Variants in OPCML observed in about 807,000 individuals in gnomAD.
The protein encoded by OPCML is opioid binding protein/cell adhesion molecule like, also known as opioid-binding protein/cell adhesion molecule.
In OPCML, 13 loss-of-function variants were observed where a neutral mutation model predicts 37.8. The observed-to-expected ratio is 0.34, with a 90% CI of 0.22 to 0.55. OPCML has a LOEUF of 0.55. OPCML is among the 20% of genes least tolerant of loss of function. OPCML has a pLI of 0.91. For synonymous variants in OPCML, 176 were observed against 168.8 expected (o/e 1.04, Z -0.33); for missense variants, 341 against 435.6 (o/e 0.78, Z 1.93).
chr11:133,308,636 C>A (rs1042107495), intron 1 of OPCML, among the ~76,000 whole-genome samples: 4 of 152,122 alleles, frequency 2.6e-5, no homozygotes, highest in East Asian at 1.9e-4. Flanking sequence ...AAACTAGATG[C>A]AGTTAACCCA....
At chr11:133,487,905 C>T (rs1947564182) in intron 1 of OPCML, among the ~76,000 whole-genome samples, 1 of 140,294 alleles carries the variant, frequency 7.1e-6, no homozygotes, top group African/African-American at 2.9e-5. Flanking sequence ...TCCAACAGCA[C>T]ATCAAAAAGA....
At chr11:132,431,804 A>G (rs1264986241) in intron 7 of OPCML, among the ~76,000 whole-genome samples, 1 of 152,236 alleles carries the variant, frequency 6.6e-6, no homozygotes, top group African/African-American at 2.4e-5. Context: ...AGAGTCAAAG[A>G]GGGCTCTCAG....
chr11:132,910,733 T>G (rs1944401387), intron 2 of OPCML, among the ~76,000 whole-genome samples: 1 of 152,200 alleles, frequency 6.6e-6, no homozygotes, highest in African/African-American at 2.4e-5. Flanking sequence ...TGCACACACA[T>G]AGAAGATAAA....
intron 1 of OPCML, among the ~76,000 whole-genome samples, chr11:133,400,875 A>C (rs2136837750): frequency 6.6e-6 from 1 of 152,304 alleles, no homozygotes; most frequent in Non-Finnish European, 1.5e-5. Flanking sequence ...TATGCTAGCT[A>C]GTCCTATGCT....
intron 1 of OPCML, among the ~76,000 whole-genome samples, chr11:132,983,347 G>T (rs147157275): frequency 6.6e-6 from 1 of 152,218 alleles, no homozygotes; most frequent in South Asian, 2.1e-4. Flanking sequence ...ACTCCATCAA[G>T]TTCTCACTTT....
chr11:133,012,315 C>CA (rs1394568472), intron 1 of OPCML, among the ~76,000 whole-genome samples: 1 of 152,082 alleles, frequency 6.6e-6, no homozygotes, highest in Non-Finnish European at 1.5e-5. Flanking sequence ...TGTGCTTATC[C>CA]AAGGTCCTTA....
chr11:132,810,584 A>T (rs1176477703), intron 2 of OPCML, among the ~76,000 whole-genome samples: 1 of 152,142 alleles, frequency 6.6e-6, no homozygotes, highest in South Asian at 2.1e-4. Flanking sequence ...CCTGCTACTC[A>T]GGAGGCTGAG....
intron 4 of OPCML, among the ~76,000 whole-genome samples, chr11:132,441,119 G>A (rs1280731729): frequency 6.6e-6 from 1 of 151,026 alleles, no homozygotes; most frequent in Non-Finnish European, 1.5e-5. Context: ...GATGGCCTGT[G>A]AGCCATTGGA....
At chr11:133,426,647 C>T (rs1946009220) in intron 1 of OPCML, among the ~76,000 whole-genome samples, 1 of 152,152 alleles carries the variant, frequency 6.6e-6, no homozygotes, top group African/African-American at 2.4e-5. Flanking sequence ...CCTCCTGCCA[C>T]AAATGTGCTT....
intron 1 of OPCML, among the ~76,000 whole-genome samples, chr11:133,514,527 T>G (rs1199642210): frequency 6.6e-6 from 1 of 152,208 alleles, no homozygotes; most frequent in African/African-American, 2.4e-5. Flanking sequence ...ACTCTGAATG[T>G]CCTGCCAACG....
intron 1 of OPCML, among the ~76,000 whole-genome samples, chr11:133,051,886 A>G (rs936802742): frequency 6.6e-6 from 1 of 152,216 alleles, no homozygotes; most frequent in African/African-American, 2.4e-5. Context: ...TCAGAAGCAA[A>G]TATACCCCAA....
intron 2 of OPCML, among the ~76,000 whole-genome samples, chr11:132,909,221 TA>T (rs916273465): frequency 3.3e-5 from 5 of 151,390 alleles, no homozygotes; most frequent in African/African-American, 7.3e-5. Context: ...ATCCACACTT[TA>T]AAAAAAAATA....
In OPCML at chr11:133,208,356, G is replaced by C. The variant is rs1473721740; in HGVS notation, c.62-265346C>G. ...TACTACATTCAGTATCATTGTCGAG[G>C]GGCAGCTGGGGCATGGTAGAAAGGG... On this transcript the variant is annotated intron_variant, in intron 1 of 7. Coordinates refer to ENST00000524381, the MANE Select transcript of OPCML (RefSeq NM_001012393.5). This position sits in a 1 kb window ranked among gnomAD's most constrained non-coding sequence, Gnocchi z 8.9. Among the ~76,000 whole-genome samples, 1 of 152,138 alleles carries C rather than the reference G, an allele frequency of 6.6e-6. No individual in the cohort carries two copies. Among genetic ancestry groups the C allele is most frequent in the East Asian group, 1.9e-4 (1 of 5,190 alleles).
At chr11:133,207,067 C>G (rs986846250) in intron 1 of OPCML, among the ~76,000 whole-genome samples, 5 of 148,820 alleles carry the variant, frequency 3.4e-5, no homozygotes, top group East Asian at 4.0e-4. Flanking sequence ...GCGGGCGGAT[C>G]TCGAGGTCAG....
intron 2 of OPCML, among the ~76,000 whole-genome samples, chr11:132,736,125 A>G (rs1205495825): frequency 6.6e-6 from 1 of 152,144 alleles, no homozygotes; most frequent in African/African-American, 2.4e-5. Flanking sequence ...GAATGGTACA[A>G]TTGACAGTGA....
chr11:132,567,443 C>T (rs1191614436), intron 3 of OPCML, among the ~76,000 whole-genome samples: 3 of 151,904 alleles, frequency 2.0e-5, no homozygotes, highest in Admixed American at 6.6e-5. Context: ...TCAGGGGATC[C>T]GGGAGAGAGG....
At chr11:132,962,785 C>T (rs771680902) in intron 1 of OPCML, among the ~76,000 whole-genome samples, 6 of 152,192 alleles carry the variant, frequency 3.9e-5, no homozygotes, top group Admixed American at 2.6e-4. Flanking sequence ...AGGCACTTCA[C>T]CGCATTTGGG....
chr11:132,527,322 G>T (rs1940402), intron 4 of OPCML, among the ~76,000 whole-genome samples: 62,086 of 151,880 alleles, frequency 0.41, 14,719 homozygotes, highest in Non-Finnish European at 0.54. Flanking sequence ...TTTCCTATAG[G>T]GCTTATATGT....
chr11:133,253,991 C>A (rs935668356), intron 1 of OPCML, among the ~76,000 whole-genome samples: 1 of 151,768 alleles, frequency 6.6e-6, no homozygotes, highest in Non-Finnish European at 1.5e-5. Flanking sequence ...CTCCTATGGA[C>A]AAAAGTCACA....
Sources: gnomAD v4.1 joint callset for allele counts (sites outside exome capture counted in the v4.1 genomes callset) on GRCh38, gnomAD v4.1.1 for gene constraint, Gnocchi (gnomAD v3.1) non-coding constraint, MANE v1.5 for transcripts, NCBI Gene and HGNC (gene_info 2026-07-23, HGNC 2026-07-21) for gene names.